FRMD4B: variants seen among roughly 807,000 people sequenced by gnomAD.
FRMD4B encodes FERM domain-containing protein 4B.
In FRMD4B, 74 loss-of-function variants were observed where a neutral mutation model predicts 141.5. The observed-to-expected ratio is 0.52, with a 90% CI of 0.43 to 0.63. The LOEUF (loss-of-function observed/expected upper bound fraction) is 0.63, where lower values mean the gene tolerates loss of function less well. Ranked by LOEUF, FRMD4B falls within the 30% of genes least tolerant of loss-of-function variation. FRMD4B has a pLI of 0.00. For synonymous variants in FRMD4B, 506 were observed against 467.9 expected, an observed-to-expected ratio of 1.08 and a Z score of -1.05; for missense variants, 1,366 against 1,253.4, an observed-to-expected ratio of 1.09 and a Z score of -1.36.
intron 1 of FRMD4B, among the ~76,000 whole-genome samples, chr3:69,347,692 T>A (rs1702993358): frequency 6.6e-6 from 1 of 152,026 alleles, no homozygotes; most frequent in Admixed American, 6.6e-5. Flanking sequence ...TCAAAACCGC[T>A]CAACTATATG....
intron 4 of FRMD4B, among the ~76,000 whole-genome samples, chr3:69,302,093 TG>T (rs1236705628): frequency 6.6e-6 from 1 of 152,194 alleles, no homozygotes; most frequent in Non-Finnish European, 1.5e-5. Flanking sequence ...TAAGAGGCTT[TG>T]AGGAATAAAG....
At chr3:69,379,174 A>T (rs1323285797) in intron 1 of FRMD4B, among the ~76,000 whole-genome samples, 1 of 152,218 alleles carries the variant, frequency 6.6e-6, no homozygotes, top group Non-Finnish European at 1.5e-5. Flanking sequence ...TGAACAAATG[A>T]ATAAATCAAT....
At chr3:69,451,361 A>G (rs979278157) in intron 1 of FRMD4B, among the ~76,000 whole-genome samples, 29 of 152,222 alleles carry the variant, frequency 1.9e-4, no homozygotes, top group African/African-American at 6.8e-4. Flanking sequence ...CTGATGGATG[A>G]TAGCTGTAGG....
At chr3:69,297,597 G>A (rs1447664161) in intron 4 of FRMD4B, among the ~76,000 whole-genome samples, 1 of 152,170 alleles carries the variant, frequency 6.6e-6, no homozygotes, top group East Asian at 1.9e-4. Flanking sequence ...CTCCTCTGAG[G>A]GAATATGAGC....
intron 21 of FRMD4B, among the ~76,000 whole-genome samples, chr3:69,178,113 T>C (rs572325958): frequency 1.3e-5 from 2 of 152,294 alleles, no homozygotes; most frequent in South Asian, 2.1e-4. Context: ...ACGCCTAGGA[T>C]GGACAAGATA....
chr3:69,328,038 G>T (rs779503748), intron 1 of FRMD4B, among the ~76,000 whole-genome samples: 2 of 151,860 alleles, frequency 1.3e-5, no homozygotes, highest in Non-Finnish European at 2.9e-5. Flanking sequence ...AAGGAGTTAA[G>T]AAAAAAAAGA....
At chr3:69,308,438 C>CTT (rs112662917) in intron 3 of FRMD4B, among the ~76,000 whole-genome samples, 185 of 142,194 alleles carry the variant, frequency 1.3e-3, no homozygotes, top group East Asian at 2.9e-3. Context: ...ATCACACTGG[C>CTT]TTTTTTTTTT....
chr3:69,529,461 A>C (rs1200911039), intron 1 of FRMD4B, among the ~76,000 whole-genome samples: 1 of 152,104 alleles, frequency 6.6e-6, no homozygotes, highest in African/African-American at 2.4e-5. Context: ...GGGATGCTGC[A>C]AATTACCACT....
At chr3:69,262,542 C>T (rs1185962414) in intron 5 of FRMD4B, among the ~76,000 whole-genome samples, 5 of 131,304 alleles carry the variant, frequency 3.8e-5, no homozygotes, top group Non-Finnish European at 7.7e-5. Flanking sequence ...CTCCACTCAT[C>T]ATCGCCTCCC....
intron 5 of FRMD4B, among the ~76,000 whole-genome samples, chr3:69,276,673 C>T (rs2093619252): frequency 6.6e-6 from 1 of 152,120 alleles, no homozygotes; most frequent in Non-Finnish European, 1.5e-5. Context: ...CATTAAGATT[C>T]CAGGGATCGG....
intron 16 of FRMD4B, 31 bp from the exon 17 acceptor site, chr3:69,193,904 A>G: frequency 7.5e-7 from 1 of 1,328,708 alleles, no homozygotes; most frequent in South Asian, 1.2e-5. Flanking sequence ...TTTTATTTTT[A>G]TGGACACATA....
At chr3:69,466,026 C>T (rs1225261668) in intron 1 of FRMD4B, among the ~76,000 whole-genome samples, 1 of 152,122 alleles carries the variant, frequency 6.6e-6, no homozygotes, top group Non-Finnish European at 1.5e-5. Context: ...AAAAGCCTTC[C>T]TATTTCTCCA....
chr3:69,413,118 G>C (rs1176468183), intron 2 of FRMD4B, among the ~76,000 whole-genome samples: 14 of 151,974 alleles, frequency 9.2e-5, no homozygotes, highest in Non-Finnish European at 5.9e-5. Context: ...TGTATAGTAG[G>C]CATAAGAGTC....
chr3:69,253,858 T>G (rs2093477658), intron 5 of FRMD4B, among the ~76,000 whole-genome samples: 1 of 152,074 alleles, frequency 6.6e-6, no homozygotes. Context: ...GAGGCTGAGG[T>G]GGGGGCACTG....
At chr3:69,316,151 ATC>A (rs1282389863) in intron 1 of FRMD4B, among the ~76,000 whole-genome samples, 17 of 152,224 alleles carry the variant, frequency 1.1e-4, no homozygotes, top group African/African-American at 4.1e-4. Flanking sequence ...AGCTGGTTAG[ATC>A]ATGGTATTAT....
chr3:69,540,613 TA>T (rs1157655761), intron 1 of FRMD4B, among the ~76,000 whole-genome samples: 173 of 13,978 alleles, frequency 0.012, no homozygotes, highest in African/African-American at 0.036. Flanking sequence ...ACTCTGTCTC[TA>T]AAAAAAAAAA....
chr3:69,349,910 A>T (rs1348897583), intron 1 of FRMD4B, among the ~76,000 whole-genome samples: 1 of 152,202 alleles, frequency 6.6e-6, no homozygotes, highest in Non-Finnish European at 1.5e-5. Context: ...GGACATAGGC[A>T]TGGGCAAGGA....
At chr3:69,429,865 T>C (rs1705148362) in intron 2 of FRMD4B, among the ~76,000 whole-genome samples, 1 of 151,726 alleles carries the variant, frequency 6.6e-6, no homozygotes, top group African/African-American at 2.4e-5. Context: ...ATTGAAGTGA[T>C]TCTCCTGCCT....
chr3:69,474,715 T>C (rs569112422), intron 1 of FRMD4B, among the ~76,000 whole-genome samples: 1 of 152,160 alleles, frequency 6.6e-6, no homozygotes, highest in African/African-American at 2.4e-5. Context: ...GTGCTATTAC[T>C]CATCCATTCA....
Sources: gnomAD v4.1 joint callset for allele counts (sites outside exome capture counted in the v4.1 genomes callset) on GRCh38, gnomAD v4.1.1 for gene constraint, MANE v1.5 for transcripts, NCBI Gene and HGNC (gene_info 2026-07-23, HGNC 2026-07-21) for gene names.